The following LAMA2 variants were observed in gnomAD, a reference collection of about 807,000 sequenced individuals.
LAMA2 encodes laminin subunit alpha 2, also known as laminin subunit alpha-2.
Under a neutral mutation model 364.8 loss-of-function variants are expected in LAMA2, and 269 were observed. The ratio of observed to expected loss-of-function variants is 0.74; its 90% confidence interval spans 0.67 to 0.82. LAMA2 has a LOEUF of 0.82. LAMA2 is among the 40% of genes least tolerant of loss of function. The probability of loss-of-function intolerance (pLI) is 0.00; values close to 1 mark genes in which losing one functional copy is unlikely to be tolerated. For missense variants in LAMA2, 3,807 were observed against 3,873.2 expected (o/e 0.98, Z 0.45); for synonymous variants, 1,379 against 1,370.6 (o/e 1.01, Z -0.14).
intron 2 of LAMA2, 53 bp downstream of exon 2, chr6:129,050,141 A>G (rs986844429): frequency 6.4e-7 from 1 of 1,570,022 alleles, no homozygotes; most frequent in Non-Finnish European, 8.8e-7. Flanking sequence ...TATAATTGTG[A>G]GATGTTGAGG....
intron 8 of LAMA2, among the ~76,000 whole-genome samples, chr6:129,162,895 G>C (rs144757908): frequency 2.6e-5 from 4 of 151,888 alleles, no homozygotes; most frequent in South Asian, 2.1e-4. Flanking sequence ...AACTAGGAGG[G>C]GGGGGAAGAA....
intron 4 of LAMA2, among the ~76,000 whole-genome samples, chr6:129,123,912 TAAA>T (rs1288086051): frequency 1.3e-5 from 2 of 152,110 alleles, no homozygotes; most frequent in Non-Finnish European, 2.9e-5. Context: ...ATAATAATAA[TAAA>T]GAGAGTGAGA....
intron 1 of LAMA2, among the ~76,000 whole-genome samples, chr6:128,902,207 A>G (rs1351816383): frequency 1.3e-5 from 2 of 152,186 alleles, no homozygotes; most frequent in Non-Finnish European, 2.9e-5. Context: ...TGGGGATTAC[A>G]ATTTGGATTA....
chr6:128,984,078 G>T (rs1484954609), intron 1 of LAMA2, among the ~76,000 whole-genome samples: 8 of 152,150 alleles, frequency 5.3e-5, no homozygotes, highest in Admixed American at 1.3e-4. Flanking sequence ...TACACAAAAA[G>T]TATACAATGA....
chr6:129,172,683 A>C (rs1438402648), intron 9 of LAMA2, among the ~76,000 whole-genome samples: 1 of 152,166 alleles, frequency 6.6e-6, no homozygotes, highest in African/African-American at 2.4e-5. Flanking sequence ...GGCCTCCTTG[A>C]GCTGTGGTGG....
intron 20 of LAMA2, among the ~76,000 whole-genome samples, chr6:129,296,129 G>A (rs1773164114): frequency 6.6e-6 from 1 of 151,824 alleles, no homozygotes; most frequent in Admixed American, 6.6e-5. Context: ...ATTTCATAAT[G>A]TGGATGTCAT....
chr6:129,400,671 A>G (rs948506173), intron 37 of LAMA2, among the ~76,000 whole-genome samples: 4 of 152,212 alleles, frequency 2.6e-5, no homozygotes, highest in African/African-American at 4.8e-5. Context: ...GACAAGCTAT[A>G]TGTTCCAAAG....
chr6:129,514,010 T>C (rs1395899476), intron 63 of LAMA2, among the ~76,000 whole-genome samples: 1 of 152,232 alleles, frequency 6.6e-6, no homozygotes, highest in Non-Finnish European at 1.5e-5. Context: ...TTTATAAGGT[T>C]CAGTCAGAAC....
At chr6:129,010,630 G>A (rs1255950091) in intron 1 of LAMA2, among the ~76,000 whole-genome samples, 1 of 152,218 alleles carries the variant, frequency 6.6e-6, no homozygotes, top group Non-Finnish European at 1.5e-5. Flanking sequence ...ATTTCACATT[G>A]AGAAAAACTA....
intron 40 of LAMA2, among the ~76,000 whole-genome samples, chr6:129,410,315 G>T (rs1780463902): frequency 2.2e-5 from 3 of 139,242 alleles, no homozygotes; most frequent in East Asian, 2.1e-4. Context: ...ACCTCTCTAG[G>T]TATGCTGAAT....
chr6:128,893,420 A>G (rs1304993770), intron 1 of LAMA2, among the ~76,000 whole-genome samples: 1 of 151,786 alleles, frequency 6.6e-6, no homozygotes, highest in African/African-American at 2.4e-5. Flanking sequence ...ATATACATAT[A>G]TGTATTAATA....
intron 39 of LAMA2, among the ~76,000 whole-genome samples, chr6:129,402,851 T>C (rs1184614930): frequency 6.6e-6 from 1 of 152,266 alleles, no homozygotes; most frequent in Non-Finnish European, 1.5e-5. Context: ...AGTTTCATGT[T>C]TCTAATGGAA....
intron 24 of LAMA2, 56 bp downstream of exon 24, chr6:129,314,854 C>A: frequency 1.3e-6 from 2 of 1,593,100 alleles, no homozygotes; most frequent in Non-Finnish European, 1.7e-6. Flanking sequence ...CTGCTGGTGT[C>A]TTTTAGTCAG....
rs1251721272 is a variant in LAMA2 at position 129,401,328 on chromosome 6, C to T, written c.5550C>T (p.Asn1850=). The T allele has an allele frequency of 6.3e-7, 1 of 1,589,394 alleles. No homozygotes were observed. Among genetic ancestry groups the T allele is most frequent in the Non-Finnish European group, 8.6e-7 (1 of 1,157,776 alleles). Residue 1850 remains asparagine, a synonymous_variant, in exon 38 of 65, where the codon AAC becomes AAT. Coordinates refer to ENST00000421865, the MANE Select transcript of LAMA2 (RefSeq NM_000426.4). ...CCAACCGTCTTGCAGATGAAATCAA[C>T]TCCATCATAGACGTGAGTATTGGGT... ...DEANRLADEI[N]SIIDYVEDIQ...
intron 1 of LAMA2, among the ~76,000 whole-genome samples, chr6:128,983,387 G>GT (rs2114643665): frequency 6.6e-6 from 1 of 152,142 alleles, no homozygotes; most frequent in South Asian, 2.1e-4. Flanking sequence ...TTTTTCATGT[G>GT]TTTTTTGGCT....
At chr6:129,256,763 C>CATATATATATATATATAT (rs199726173) in intron 14 of LAMA2, among the ~76,000 whole-genome samples, 6 of 87,954 alleles carry the variant, frequency 6.8e-5, no homozygotes, top group Non-Finnish European at 1.1e-4. Context: ...AATTATATAG[C>CATATATATATATATATAT]ATATATATAT....
intron 3 of LAMA2, among the ~76,000 whole-genome samples, chr6:129,067,882 C>A (rs1007105992): frequency 1.3e-5 from 2 of 152,208 alleles, no homozygotes; most frequent in Non-Finnish European, 2.9e-5. Context: ...TCAACAAGGG[C>A]CTCCTTGACA....
intron 14 of LAMA2, among the ~76,000 whole-genome samples, chr6:129,259,485 T>G (rs986867295): frequency 2.6e-5 from 4 of 152,114 alleles, no homozygotes; most frequent in African/African-American, 9.6e-5. Context: ...AAACTGTGAT[T>G]ATTATGAGTC....
At position 128,920,146 on chromosome 6, in the gene LAMA2, A is replaced by G. The variant is rs369093982; in HGVS notation, c.112+36789A>G. On this transcript the variant is annotated intron_variant, in intron 1 of 64. Transcript: ENST00000421865. ...ACCTGACTAATGCATACCAATTTTC[A>G]TGCTCATTTTTCTTTTCTTTTTTTT... is the stretch of plus-strand genomic sequence containing the variant. Among the ~76,000 whole-genome samples the G allele has an allele frequency of 4.0e-5, 6 of 149,608 alleles. No individual in the cohort carries two copies. The East Asian group carries it at 1.2e-3, about 29-fold the overall frequency.
Sources: gnomAD v4.1 joint callset for allele counts (sites outside exome capture counted in the v4.1 genomes callset) on GRCh38, gnomAD v4.1.1 for gene constraint, MANE v1.5 for transcripts, NCBI Gene and HGNC (gene_info 2026-07-23, HGNC 2026-07-21) for gene names.